The following FAM184A variants were observed in gnomAD, a reference collection of about 807,000 sequenced individuals.
FAM184A encodes the protein family with sequence similarity 184 member A, also known as protein FAM184A.
Under a neutral mutation model 143.8 loss-of-function variants are expected in FAM184A, and 99 were observed. The ratio of observed to expected loss-of-function variants is 0.69; its 90% CI spans 0.58 to 0.81. FAM184A has a LOEUF of 0.81. FAM184A is among the 40% of genes least tolerant of loss of function. The pLI is 0.00. For synonymous variants in FAM184A, 427 were observed against 446.4 expected, an observed-to-expected ratio of 0.96 and a Z score of 0.55; for missense variants, 1,217 against 1,310.5, an observed-to-expected ratio of 0.93 and a Z score of 1.10.
intron 1 of FAM184A, among the ~76,000 whole-genome samples, chr6:119,056,371 C>G (rs893286557): frequency 6.6e-5 from 10 of 152,108 alleles, no homozygotes; most frequent in African/African-American, 2.4e-4. Context: ...GAGGTCATAG[C>G]AGACATCCAG....
chr6:119,107,792 A>AAAAAAAAG (rs763545394), intron 1 of FAM184A, among the ~76,000 whole-genome samples: 5 of 136,488 alleles, frequency 3.7e-5, no homozygotes, highest in Non-Finnish European at 6.1e-5. Context: ...AAAAAAAAAA[A>AAAAAAAAG]AAAGAAAGAA....
chr6:119,106,853 C>G (rs1788800032), intron 1 of FAM184A, among the ~76,000 whole-genome samples: 1 of 151,988 alleles, frequency 6.6e-6, no homozygotes, highest in Admixed American at 6.5e-5. Flanking sequence ...CAGATATTCA[C>G]TGAAAAAAAT....
intron 1 of FAM184A, among the ~76,000 whole-genome samples, chr6:119,122,527 A>G (rs921029439): frequency 1.3e-5 from 2 of 152,190 alleles, no homozygotes; most frequent in African/African-American, 4.8e-5. Context: ...AGAGAGGTCA[A>G]ACATACATAT....
chr6:119,106,119 G>A (rs772210409), intron 1 of FAM184A, among the ~76,000 whole-genome samples: 2 of 152,144 alleles, frequency 1.3e-5, no homozygotes. Context: ...GATGCCGGGC[G>A]CAGTGGCTCA....
chr6:119,087,143 G>A (rs1290450907), intron 1 of FAM184A, among the ~76,000 whole-genome samples: 3 of 152,170 alleles, frequency 2.0e-5, no homozygotes, highest in Non-Finnish European at 4.4e-5. Flanking sequence ...ACCCCAGGCA[G>A]TAGCAGTTAA....
chr6:119,017,194 G>A (rs1404750991), intron 4 of FAM184A, among the ~76,000 whole-genome samples: 8 of 152,200 alleles, frequency 5.3e-5, no homozygotes, highest in African/African-American at 1.9e-4. Flanking sequence ...TAATACATCT[G>A]CAAGCTTAAG....
chr6:118,970,601 C>T (rs1783665641), intron 14 of FAM184A, among the ~76,000 whole-genome samples: 1 of 151,990 alleles, frequency 6.6e-6, no homozygotes, highest in Non-Finnish European at 1.5e-5. Flanking sequence ...TGACCCAATT[C>T]CCAAGGATGT....
chr6:119,113,110 G>C (rs1321170102), intron 1 of FAM184A, among the ~76,000 whole-genome samples: 2 of 152,118 alleles, frequency 1.3e-5, no homozygotes, highest in Non-Finnish European at 2.9e-5. Context: ...GCATGACAGG[G>C]TACTACTGCC....
chr6:119,075,570 T>TA (rs1265420754), intron 1 of FAM184A, among the ~76,000 whole-genome samples: 1 of 152,208 alleles, frequency 6.6e-6, no homozygotes, highest in African/African-American at 2.4e-5. Context: ...GCTGCTGCTA[T>TA]AATGCTGAAG....
chr6:119,110,378 A>C (rs1174428431), intron 1 of FAM184A, among the ~76,000 whole-genome samples: 2 of 152,174 alleles, frequency 1.3e-5, no homozygotes, highest in Non-Finnish European at 2.9e-5. Flanking sequence ...CAGGAAAGCA[A>C]AACTTTTGAT....
intron 1 of FAM184A, among the ~76,000 whole-genome samples, chr6:119,108,586 A>G (rs1219092890): frequency 6.6e-6 from 1 of 152,166 alleles, no homozygotes; most frequent in African/African-American, 2.4e-5. Context: ...TCAAATCATA[A>G]TCTTCTCTTC....
intron 1 of FAM184A, among the ~76,000 whole-genome samples, chr6:119,026,938 A>T (rs926300220): frequency 2.0e-5 from 3 of 152,166 alleles, no homozygotes; most frequent in African/African-American, 7.2e-5. Flanking sequence ...AGAGAGCATG[A>T]CACCTTTTAA....
At chr6:119,045,325 C>T (rs902855463) in intron 1 of FAM184A, among the ~76,000 whole-genome samples, 10 of 141,166 alleles carry the variant, frequency 7.1e-5, no homozygotes, top group Admixed American at 3.7e-4. Flanking sequence ...TATTCATCTA[C>T]GTATATCAAG....
At chr6:119,123,003 T>C (rs1461183739) in intron 1 of FAM184A, among the ~76,000 whole-genome samples, 4 of 126,584 alleles carry the variant, frequency 3.2e-5, no homozygotes, top group African/African-American at 1.3e-4. Context: ...AGTCCTCTAA[T>C]GTCACAAAGT....
intron 1 of FAM184A, among the ~76,000 whole-genome samples, chr6:119,115,384 G>C (rs765357857): frequency 2.0e-5 from 3 of 152,150 alleles, no homozygotes; most frequent in Admixed American, 6.5e-5. Flanking sequence ...TCCGGAACTT[G>C]ATTCAGATGT....
intron 1 of FAM184A, among the ~76,000 whole-genome samples, chr6:119,142,866 T>A (rs1338742065): frequency 6.6e-6 from 1 of 152,182 alleles, no homozygotes; most frequent in African/African-American, 2.4e-5. Flanking sequence ...ATCCAATTAT[T>A]GCTGACCGGA....
At chr6:118,966,089 C>A (rs1783493911) in intron 15 of FAM184A, among the ~76,000 whole-genome samples, 1 of 152,170 alleles carries the variant, frequency 6.6e-6, no homozygotes, top group African/African-American at 2.4e-5. Flanking sequence ...TAGTCTCAGA[C>A]AACAGGCTGC....
intron 1 of FAM184A, among the ~76,000 whole-genome samples, chr6:119,116,232 T>A (rs1364181279): frequency 6.6e-6 from 1 of 152,076 alleles, no homozygotes; most frequent in Non-Finnish European, 1.5e-5. Context: ...TAGTCCATTA[T>A]CCTAAGTGAT....
rs1269682715 is a variant in FAM184A, at chr6:119,024,444, C to G, written c.529G>C (p.Val177Leu). ...EKLRSFGQLQ[V>L]QFEKDKRLAL... is the part of the protein sequence containing the mutation. ...AATCGTTTGTCTTTTTCAAACTGTA[C>G]TTGAAGTTGTCCAAAGCTCCGTAAT... The change falls in exon 2 of 18, where the codon GTA becomes CTA. Residue 177 changes from valine (V) to leucine (L), a missense_variant. Physicochemically the swap from Val to Leu is conservative, Grantham distance 32 (BLOSUM62 1). Transcript: ENST00000338891. The G allele has an allele frequency of 1.9e-6, 3 of 1,614,002 alleles. No individual in the cohort carries two copies. The Admixed American group carries it at 5.0e-5, about 27-fold the overall frequency.
Sources: gnomAD v4.1 joint callset for allele counts (sites outside exome capture counted in the v4.1 genomes callset) on GRCh38, gnomAD v4.1.1 for gene constraint, MANE v1.5 for transcripts, NCBI Gene and HGNC (gene_info 2026-07-23, HGNC 2026-07-21) for gene names.